Variants in FKBP10 observed in about 807,000 individuals in gnomAD.
The protein encoded by FKBP10 is peptidyl-prolyl cis-trans isomerase FKBP10.
In FKBP10, 34 loss-of-function variants were observed where a neutral mutation model predicts 53.7. That is an observed-to-expected ratio of 0.63 (90% CI 0.48 to 0.84). The LOEUF is 0.84. FKBP10 is among the 40% of genes least tolerant of loss of function. The pLI is 0.00. For missense variants in FKBP10, 748 were observed against 797.8 expected, an observed-to-expected ratio of 0.94 and a Z score of 0.75; for synonymous variants, 324 against 335.7, an observed-to-expected ratio of 0.97 and a Z score of 0.38.
At chr17:41,820,084 C>A in intron 6 of FKBP10, 185 bp from the exon 7 acceptor site, 1 of 1,233,686 alleles carries the variant, frequency 8.1e-7, no homozygotes, top group Non-Finnish European at 1.1e-6. Flanking sequence ...TGGAAAGCTG[C>A]CTTCCCCTGC....
In FKBP10 at chr17:41,820,364, CG is replaced by C. The variant is rs782021744; in HGVS notation, c.1161del (p.Pro388HisfsTer48). On this transcript the variant is annotated frameshift_variant, in exon 7 of 10. Coordinates refer to ENST00000321562, the MANE Select transcript of FKBP10 (RefSeq NM_021939.4). LOFTEE classifies it high-confidence loss of function. ...TGTGGTGGAAATCAGGACACTGTCC[CG>C]GCCATCTGAGACCTGCAATGAGACC... The part of the protein sequence containing the change: ...ADVVEIRTLS[R>X]PSETCNETTK... The C allele has an allele frequency of 3.7e-6, 6 of 1,614,186 alleles. No homozygotes were observed. Among genetic ancestry groups the C allele is most frequent in the South Asian group, 1.1e-5 (1 of 91,086 alleles).
rs137853883 is a variant in FKBP10 at position 41,819,306 on chromosome 17, TC to T, written c.831del (p.Gly278AlafsTer20). The T allele has an allele frequency of 8.1e-6, 13 of 1,613,172 alleles. No individual in the cohort carries two copies. Among genetic ancestry groups the T allele is most frequent in the African/African-American group, 2.7e-5 (2 of 74,640 alleles). On this transcript the variant is annotated frameshift_variant, in exon 5 of 10. Transcript: ENST00000321562. LOFTEE classifies it high-confidence loss of function. ...KDAVQLETLELPPGCVRRAGA... is the reference protein window; with the variant it reads ...KDAVQLETLEXPPGCVRRAGA... ...GCTGTCCAGCTAGAGACGCTGGAGC[TC>T]CCCCCCGGCTGTGTCCGCAGAGCCG...
At position 41,819,313 on chromosome 17, in the gene FKBP10, C is replaced by G. The variant is rs782796948; in HGVS notation, c.831C>G (p.Pro277=). ...AVQLETLELP[P]GCVRRAGAGD... Reference sequence around the variant, plus strand: ...AGCTAGAGACGCTGGAGCTCCCCCCCGGCTGTGTCCGCAGAGCCGGGGCCG... The same window carrying G: ...AGCTAGAGACGCTGGAGCTCCCCCCGGGCTGTGTCCGCAGAGCCGGGGCCG... Residue 277 remains proline (P), a synonymous_variant, in exon 5 of 10, where the codon CCC becomes CCG. Coordinates refer to ENST00000321562, the MANE Select transcript of FKBP10 (RefSeq NM_021939.4). 1.1e-5 allele frequency: 17 copies of G among 1,613,944 alleles called. No individual in the cohort carries two copies. The highest frequency in any genetic ancestry group is 6.7e-5 in the Admixed American group (4 of 59,988).
intron 7 of FKBP10, 42 bp downstream of exon 7, chr17:41,820,503 A>G (rs370014426): frequency 1.2e-5 from 20 of 1,605,132 alleles, no homozygotes; most frequent in Non-Finnish European, 1.6e-5. Context: ...GTGGGTGGGC[A>G]CAGGCATGGG....
chr17:41,819,385 C>G lies in FKBP10; in HGVS notation c.903C>G (p.Thr301=). 6.2e-7 allele frequency: 1 copy of G among 1,614,018 alleles called. No homozygotes were observed. The highest frequency in any genetic ancestry group is 8.5e-7 in the Non-Finnish European group (1 of 1,179,994). The change falls in exon 5 of 10, where the codon ACC becomes ACG. Residue 301 remains threonine, a synonymous_variant. Transcript: ENST00000321562. The part of the protein sequence containing the change: ...YHYNGSLMDG[T]LFDSSYSRNH... ...ACAATGGCTCCTTGATGGACGGCAC[C>G]CTCTTCGATTCCAGGTCAGGAGGGT...
At chr17:41,813,604 G>A (rs1485929821) in intron 1 of FKBP10, among the ~76,000 whole-genome samples, 8 of 152,152 alleles carry the variant, frequency 5.3e-5, no homozygotes, top group Non-Finnish European at 1.0e-4. Context: ...GTGTTGGGGG[G>A]AAGGGGGTGG....
rs2047912226 is a variant in FKBP10 at position 41,823,098 on chromosome 17, TA to T, written c.*691del. 1 of 149,622 alleles carries T rather than the reference TA, an allele frequency of 6.7e-6. No individual in the cohort carries two copies. Among genetic ancestry groups the T allele is most frequent in the African/African-American group, 2.5e-5 (1 of 39,584 alleles). 9.3% of individuals were successfully genotyped at this position (149,622 alleles called of 1,614,324 possible). On this transcript the variant is annotated 3_prime_UTR_variant, in exon 10 of 10. Transcript: ENST00000321562. Reference sequence around the variant, plus strand: ...AAGCTGCTTGGGTGGGTGTTAGGGCTATGAAATCTTGGATTTGGGGCTGAGG... The same window carrying T: ...AAGCTGCTTGGGTGGGTGTTAGGGCTTGAAATCTTGGATTTGGGGCTGAGG...
intron 5 of FKBP10, 26 bp from the exon 6 acceptor site, chr17:41,819,504 C>G (rs532883934): frequency 6.2e-7 from 1 of 1,613,936 alleles, no homozygotes; most frequent in Non-Finnish European, 8.5e-7. Context: ...TGACTCCCTT[C>G]CTGGCCCTCC....
In FKBP10 at chr17:41,818,089, C is replaced by T. The variant is rs782757906; in HGVS notation, c.392C>T (p.Ala131Val). ...PHLGYGSIGL[A>V]GLIPPDATLY... ...CCTCCACGCTGCTGCGCTCTCACAG[C>T]GGGGCTCATTCCACCGGATGCCACC... Residue 131 changes from alanine (A) to valine (V), a missense_variant and splice_region_variant, in exon 3 of 10, where the codon GCG (alanine) becomes GTG (valine). Physicochemically the swap from Ala to Val is moderately conservative, Grantham distance 64. Transcript: ENST00000321562. 33 of 1,605,058 alleles carry T rather than the reference C, an allele frequency of 2.1e-5. No individual in the cohort carries two copies. In the East Asian group the frequency reaches 4.3e-4, roughly 21 times the overall value.
At chr17:41,817,250 C>A (rs1567853990) in intron 2 of FKBP10, 47 bp downstream of exon 2, 1 of 1,603,600 alleles carries the variant, frequency 6.2e-7, no homozygotes, top group Admixed American at 1.7e-5. Context: ...GACCACGAGG[C>A]AGAATCAGGG....
rs2047865518 is a variant in FKBP10 at position 41,819,673 on chromosome 17, C to G, written c.1061C>G (p.Thr354Ser). The change falls in exon 6 of 10, where the codon ACT (threonine) becomes AGT (serine). Residue 354 changes from threonine (T) to serine (S), a missense_variant and splice_region_variant. By Grantham distance (58) the Thr-to-Ser change is moderately conservative. Transcript: ENST00000321562. ...CACCTCGCCTATGGGGAGAATGGAA[C>G]TGGTAGGGGCGTTCCCCAGCCACCA... is the stretch of plus-strand genomic sequence containing the variant. ...PPHLAYGENG[T>S]GDKIPGSAVL... 6.3e-7 allele frequency: 1 copy of G among 1,599,206 alleles called. No individual in the cohort carries two copies. The highest frequency in any genetic ancestry group is 1.3e-5 in the African/African-American group (1 of 74,670).
At chr17:41,819,182 T>C (rs2047854932) in intron 4 of FKBP10, 28 bp from the exon 5 acceptor site, 1 of 1,613,484 alleles carries the variant, frequency 6.2e-7, no homozygotes. Flanking sequence ...TCCCCAATTT[T>C]ATGGTTCAAG....
intron 8 of FKBP10, 65 bp from the exon 9 acceptor site, chr17:41,821,589 A>G: frequency 6.3e-7 from 1 of 1,590,822 alleles, no homozygotes; most frequent in Non-Finnish European, 8.6e-7. Context: ...GCTGGGAAAC[A>G]GTGAAGCCAG....
At chr17:41,815,524 A>AGC (rs1486845053) in intron 1 of FKBP10, among the ~76,000 whole-genome samples, 1 of 149,752 alleles carries the variant, frequency 6.7e-6, no homozygotes, top group East Asian at 2.0e-4. Context: ...GGAGTGCAGT[A>AGC]GCGCGATCTC....
chr17:41,819,446 G>A (rs1555616604), intron 5 of FKBP10, 47 bp downstream of exon 5: 4 of 1,613,896 alleles, frequency 2.5e-6, no homozygotes, highest in Non-Finnish European at 3.4e-6. Context: ...GTGAAACGTG[G>A]ACGAAGCTGG....
chr17:41,817,175 C>T lies in FKBP10; in HGVS notation c.363C>T (p.Pro121=), dbSNP rs782356839. 1.6e-5 allele frequency: 26 copies of T among 1,613,734 alleles called. No homozygotes were observed. The South Asian group carries it at 2.4e-4, about 15-fold the overall frequency. ...AGCGGCGACGCCTCATTGTGCCTCCCCACCTGGGCTATGGGAGCATCGGCC... is the reference window on the plus strand; with the variant it reads ...AGCGGCGACGCCTCATTGTGCCTCCTCACCTGGGCTATGGGAGCATCGGCC... ...VNERRRLIVP[P]HLGYGSIGLA... The change falls in exon 2 of 10, where the codon CCC becomes CCT. Residue 121 remains proline (P), a synonymous_variant. Transcript: ENST00000321562.
chr17:41,813,235 C>T lies in FKBP10; in HGVS notation c.201C>T (p.Tyr67=). 1 of 1,613,788 alleles carries T rather than the reference C, an allele frequency of 6.2e-7. No individual in the cohort carries two copies. The part of the protein sequence containing the change: ...REVQMGDFVR[Y]HYNGTFEDGK... ...TGCAGATGGGGGATTTTGTGCGCTA[C>T]CACTACAACGGCACTTTTGAAGATG... is the stretch of plus-strand genomic sequence containing the variant. Residue 67 remains tyrosine, a synonymous_variant, in exon 1 of 10, where the codon TAC becomes TAT. Transcript: ENST00000321562.
chr17:41,823,184 T>C lies in FKBP10; in HGVS notation c.*776T>C, dbSNP rs2047913438. 1 of 152,758 alleles carries C rather than the reference T, an allele frequency of 6.5e-6. No homozygotes were observed. The highest frequency in any genetic ancestry group is 2.4e-5 in the African/African-American group (1 of 41,468). The allele number at this position is 152,758 out of a possible 1,614,324, so 9.5% of individuals were successfully genotyped here. On this transcript the variant is annotated 3_prime_UTR_variant, in exon 10 of 10. Transcript: ENST00000321562. The stretch of plus-strand genomic sequence containing the variant: ...GGCTAAACTGGTGTCAGTCCTTTTT[T>C]CCTTTGTTCCAAATAAAAGATTAAA...
At chr17:41,813,882 A>T (rs1469312181) in intron 1 of FKBP10, among the ~76,000 whole-genome samples, 1 of 152,132 alleles carries the variant, frequency 6.6e-6, no homozygotes, top group Non-Finnish European at 1.5e-5. Flanking sequence ...ACACAGTCGG[A>T]CATGCCACCC....
Sources: allele counts gnomAD v4.1 joint callset (sites outside exome capture counted in the v4.1 genomes callset), GRCh38; gene constraint gnomAD v4.1.1; transcripts MANE v1.5; gene names NCBI Gene and HGNC (gene_info 2026-07-23, HGNC 2026-07-21).